The following PLXNA2 variants were observed in gnomAD, a reference collection of about 807,000 sequenced individuals.
PLXNA2 encodes plexin-A2.
A neutral mutation model predicts 193.5 loss-of-function variants in PLXNA2; 91 were observed. The ratio of observed to expected loss-of-function variants is 0.47; its 90% CI spans 0.40 to 0.56. The LOEUF (loss-of-function observed/expected upper bound fraction) is 0.56. PLXNA2 is among the 20% of genes least tolerant of loss of function. The pLI, the probability that PLXNA2 is intolerant of heterozygous loss-of-function variation, is 0.00. For synonymous variants in PLXNA2, 997 were observed against 1,027.3 expected, an observed-to-expected ratio of 0.97 and a Z score of 0.56; for missense variants, 1,995 against 2,503.2, an observed-to-expected ratio of 0.80 and a Z score of 4.33.
At chr1:208,218,246 G>A (rs1572045242) in intron 1 of PLXNA2, among the ~76,000 whole-genome samples, 2 of 152,054 alleles carry the variant, frequency 1.3e-5, no homozygotes, top group Admixed American at 1.3e-4. Context: ...ATTTTACAAA[G>A]CATCTCTATT....
chr1:208,062,697 G>A (rs1665656304), intron 12 of PLXNA2, among the ~76,000 whole-genome samples: 2 of 152,130 alleles, frequency 1.3e-5, no homozygotes, highest in African/African-American at 4.8e-5. Flanking sequence ...ATGAATCAAG[G>A]GAGATATAGT....
rs145649042 is a variant in PLXNA2 at position 208,220,721 on chromosome 1, C to T, written c.-80-2719G>A. 7.6e-3 allele frequency among the ~76,000 whole-genome samples: 1,161 copies of T among 152,080 alleles called. 23 individuals carry two copies. The highest frequency in any genetic ancestry group is 0.026 in the African/African-American group (1,061 of 41,474). ...CCTCCCAAAGTGCTGGGATTACAGG[C>T]GTGAGCCACTGCACCTGGCCTGTTA... is the stretch of plus-strand genomic sequence containing the variant. On this transcript the variant is annotated intron_variant, in intron 1 of 31. Coordinates refer to ENST00000367033, the MANE Select transcript of PLXNA2 (RefSeq NM_025179.4).
At chr1:208,066,563 C>G (rs530015494) in intron 12 of PLXNA2, among the ~76,000 whole-genome samples, 1 of 152,190 alleles carries the variant, frequency 6.6e-6, no homozygotes, top group African/African-American at 2.4e-5. Flanking sequence ...CAATTATGTA[C>G]AGCACATAAT....
chr1:208,113,374 T>C (rs1013877641), intron 4 of PLXNA2, among the ~76,000 whole-genome samples: 1 of 152,170 alleles, frequency 6.6e-6, no homozygotes, highest in African/African-American at 2.4e-5. Flanking sequence ...ACACAGAGCC[T>C]GAGTCTAGCC....
At chr1:208,194,363 T>A (rs758525059) in intron 3 of PLXNA2, among the ~76,000 whole-genome samples, 9 of 150,944 alleles carry the variant, frequency 6.0e-5, no homozygotes, top group Non-Finnish European at 1.3e-4. Flanking sequence ...CCGATGTATG[T>A]GTTTTATGCA....
intron 28 of PLXNA2, 33 bp from the exon 29 acceptor site, chr1:208,031,792 G>A (rs375386387): frequency 6.6e-7 from 1 of 1,524,398 alleles, no homozygotes; most frequent in Non-Finnish European, 9.0e-7. Flanking sequence ...TAAGATGGAG[G>A]GGGGTGACGG....
At chr1:208,125,041 A>C (rs1409310319) in intron 4 of PLXNA2, among the ~76,000 whole-genome samples, 1 of 152,228 alleles carries the variant, frequency 6.6e-6, no homozygotes, top group Non-Finnish European at 1.5e-5. Context: ...ATACTGTGAA[A>C]GTCTCAGAAC....
chr1:208,086,777 T>C (rs1400684595), intron 9 of PLXNA2, among the ~76,000 whole-genome samples: 2 of 108,532 alleles, frequency 1.8e-5, no homozygotes, highest in Non-Finnish European at 3.7e-5. Flanking sequence ...GACTCTTTCA[T>C]ATATTTATAG....
At chr1:208,055,486 G>C (rs11118978) in intron 13 of PLXNA2, among the ~76,000 whole-genome samples, 1 of 151,808 alleles carries the variant, frequency 6.6e-6, no homozygotes, top group African/African-American at 2.4e-5. Context: ...GGGTGGGAGA[G>C]GGCCCTGACA....
intron 2 of PLXNA2, 96 bp downstream of exon 2, chr1:208,216,639 A>G: frequency 2.1e-6 from 3 of 1,408,770 alleles, no homozygotes; most frequent in African/African-American, 1.4e-5. Flanking sequence ...TTTCAGGTCC[A>G]TGGTGGTGTG....
intron 3 of PLXNA2, among the ~76,000 whole-genome samples, chr1:208,182,296 G>A: frequency 6.6e-6 from 1 of 152,158 alleles, no homozygotes; most frequent in Non-Finnish European, 1.5e-5. Context: ...AGCCGGGCAT[G>A]GTGGTGCCTG....
chr1:208,050,842 T>G (rs1479814923), intron 17 of PLXNA2, among the ~76,000 whole-genome samples, 167 bp downstream of exon 17: 1 of 151,484 alleles, frequency 6.6e-6, no homozygotes, highest in East Asian at 1.9e-4. Context: ...AAAAAAAAAA[T>G]TATAAGGTTT....
rs558246246 is a variant in PLXNA2 at position 208,080,836 on chromosome 1, G to A, written c.2396-1386C>T. Among the ~76,000 whole-genome samples the A allele has an allele frequency of 1.1e-4, 17 of 152,326 alleles. No individual in the cohort carries two copies. The East Asian group carries it at 3.3e-3, about 29-fold the overall frequency. ...CCTCCACTTCACAGATAAGGAGACT[G>A]GATGTAAAGGGGAACAGTCATTCAT... On this transcript the variant is annotated intron_variant, in intron 11 of 31. Coordinates refer to ENST00000367033, the MANE Select transcript of PLXNA2 (RefSeq NM_025179.4).
intron 9 of PLXNA2, among the ~76,000 whole-genome samples, chr1:208,088,135 T>C (rs897266711): frequency 6.6e-6 from 1 of 152,198 alleles, no homozygotes; most frequent in African/African-American, 2.4e-5. Flanking sequence ...AGGATCACCT[T>C]CTCAGCAGCA....
rs928908649 is a variant in PLXNA2, at chr1:208,243,674, C to A, written c.-112G>T. On this transcript the variant is annotated 5_prime_UTR_variant, in exon 1 of 32. Transcript: ENST00000367033. ...CGGCGACGTCGGTCTGTCCTTCCGT[C>A]CCCGCTCGGTCTACCTCGGCCGCCG... 1 of 152,220 alleles carries A rather than the reference C, an allele frequency of 6.6e-6. No individual in the cohort carries two copies. Among genetic ancestry groups the A allele is most frequent in the East Asian group, 1.9e-4 (1 of 5,184 alleles). 9.4% of individuals were successfully genotyped at this position (152,220 alleles called of 1,614,324 possible).
chr1:208,049,653 G>T (rs1665192275), intron 17 of PLXNA2, among the ~76,000 whole-genome samples: 1 of 152,206 alleles, frequency 6.6e-6, no homozygotes, highest in South Asian at 2.1e-4. Context: ...CCTTCCACCA[G>T]TCACCTGTAT....
chr1:208,051,032 A>T lies in PLXNA2; in HGVS notation c.3232T>A (p.Phe1078Ile). ...VIQEPRIRVK[F>I]NGKESVNVCK... is the part of the protein sequence containing the mutation. Reference sequence around the variant, plus strand: ...ACATTGACAGATTCTTTGCCATTGAATTTGACTCGGATCCTTGGCTCCTGA... The same window carrying T: ...ACATTGACAGATTCTTTGCCATTGATTTTGACTCGGATCCTTGGCTCCTGA... Residue 1078 changes from phenylalanine (F) to isoleucine (I), a missense_variant, in exon 17 of 32, where the codon TTC becomes ATC. Physicochemically the swap from Phe to Ile is conservative, Grantham distance 21 (BLOSUM62 0). Transcript: ENST00000367033. 6.2e-7 allele frequency: 1 copy of T among 1,613,862 alleles called. No homozygotes were observed. Among genetic ancestry groups the T allele is most frequent in the Admixed American group, 1.7e-5 (1 of 60,022 alleles).
intron 3 of PLXNA2, among the ~76,000 whole-genome samples, chr1:208,182,466 G>A (rs1669875644): frequency 6.6e-6 from 1 of 152,066 alleles, no homozygotes; most frequent in South Asian, 2.1e-4. Context: ...ACAGAAAAAA[G>A]AAATCAGAAC....
chr1:208,044,463 G>A lies in PLXNA2; in HGVS notation c.3874+45C>T. ...TGCAGGGAGAAGGGCAATAAGGCAGGTGGAGAAAGAGGGACCCAGCAAATG... is the reference window on the plus strand; with the variant it reads ...TGCAGGGAGAAGGGCAATAAGGCAGATGGAGAAAGAGGGACCCAGCAAATG... On this transcript the variant is annotated intron_variant, in intron 20 of 31. Transcript: ENST00000367033. This position sits in a 1 kb window ranked among gnomAD's most constrained non-coding sequence, Gnocchi z 4.9. The A allele has an allele frequency of 7.3e-7, 1 of 1,362,400 alleles. No homozygotes were observed. The allele number at this position is 1,362,400 out of a possible 1,614,324, so 84.4% of individuals were successfully genotyped here.
Sources: allele counts gnomAD v4.1 joint callset (sites outside exome capture counted in the v4.1 genomes callset), GRCh38; gene constraint gnomAD v4.1.1; non-coding constraint Gnocchi (gnomAD v3.1); transcripts MANE v1.5; gene names NCBI Gene and HGNC (gene_info 2026-07-23, HGNC 2026-07-21).